The following PLXDC2 variants were observed in gnomAD, a reference collection of about 807,000 sequenced individuals.
PLXDC2 encodes the protein plexin domain containing 2.
PLXDC2 carries 40 observed loss-of-function variants against 68.9 expected under a neutral mutation model. The observed-to-expected ratio is 0.58, with a 90% CI of 0.45 to 0.76. The LOEUF (loss-of-function observed/expected upper bound fraction) is 0.76, where lower values mean the gene tolerates loss of function less well. PLXDC2 is among the 30% of genes least tolerant of loss of function. The probability of loss-of-function intolerance (pLI) is 0.00; values close to 1 mark genes in which losing one functional copy is unlikely to be tolerated. For missense variants in PLXDC2, 644 were observed against 661.9 expected (o/e 0.97, Z 0.30); for synonymous variants, 243 against 234.2 (o/e 1.04, Z -0.34).
intron 1 of PLXDC2, among the ~76,000 whole-genome samples, chr10:19,866,824 A>G (rs945598360): frequency 2.6e-5 from 4 of 152,210 alleles, no homozygotes; most frequent in Non-Finnish European, 5.9e-5. Flanking sequence ...CATGGAGGTT[A>G]TACATTGGTT....
At chr10:19,865,251 CA>C (rs772747994) in intron 1 of PLXDC2, among the ~76,000 whole-genome samples, 2 of 152,196 alleles carry the variant, frequency 1.3e-5, no homozygotes, top group African/African-American at 2.4e-5. Flanking sequence ...TAAACCTGCA[CA>C]AGTGGCTTCT....
intron 1 of PLXDC2, among the ~76,000 whole-genome samples, chr10:19,853,440 T>G (rs1266386768): frequency 2.6e-5 from 4 of 152,088 alleles, no homozygotes; most frequent in Non-Finnish European, 5.9e-5. Flanking sequence ...TATTTTTGTA[T>G]AGATGAGGTC....
intron 7 of PLXDC2, among the ~76,000 whole-genome samples, chr10:20,165,783 G>A (rs183926319): frequency 3.1e-4 from 47 of 152,238 alleles, no homozygotes; most frequent in African/African-American, 9.9e-4. Flanking sequence ...AAAAAGGGAC[G>A]TGTTGCTTTG....
chr10:20,067,295 C>T (rs897370494), intron 3 of PLXDC2, among the ~76,000 whole-genome samples: 2 of 152,082 alleles, frequency 1.3e-5, no homozygotes, highest in African/African-American at 4.8e-5. Flanking sequence ...AAGTAGGTCT[C>T]CAGTAACCAA....
intron 4 of PLXDC2, among the ~76,000 whole-genome samples, chr10:20,089,628 A>G (rs928342814): frequency 3.9e-5 from 6 of 152,184 alleles, no homozygotes; most frequent in Non-Finnish European, 8.8e-5. Context: ...TTTTGTCTGT[A>G]TCATGGAAGG....
intron 1 of PLXDC2, among the ~76,000 whole-genome samples, chr10:19,900,405 C>A (rs1470308965): frequency 6.6e-6 from 1 of 152,044 alleles, no homozygotes; most frequent in East Asian, 1.9e-4. Flanking sequence ...TTACAGGATT[C>A]TCAATGTCCA....
At chr10:20,065,068 A>G (rs2131703241) in intron 3 of PLXDC2, among the ~76,000 whole-genome samples, 1 of 152,268 alleles carries the variant, frequency 6.6e-6, no homozygotes, top group South Asian at 2.1e-4. Flanking sequence ...TCACCTTCCA[A>G]ATAAACTGTC....
At chr10:19,931,075 T>C (rs1833623058) in intron 1 of PLXDC2, among the ~76,000 whole-genome samples, 1 of 152,246 alleles carries the variant, frequency 6.6e-6, no homozygotes, top group South Asian at 2.1e-4. Flanking sequence ...GCAGCCAGTG[T>C]TGTCTTCTGC....
intron 3 of PLXDC2, among the ~76,000 whole-genome samples, chr10:20,048,489 A>T (rs1235366982): frequency 7.9e-5 from 12 of 152,094 alleles, no homozygotes; most frequent in Admixed American, 7.9e-4. Flanking sequence ...AATGATAAAG[A>T]TTAGATTTTA....
At chr10:20,209,086 C>T (rs894756598) in intron 9 of PLXDC2, among the ~76,000 whole-genome samples, 13 of 152,078 alleles carry the variant, frequency 8.5e-5, no homozygotes, top group South Asian at 6.2e-4. Context: ...AATGAAGTTT[C>T]GGGCACGCAT....
chr10:20,070,259 A>G (rs752486159), intron 4 of PLXDC2, among the ~76,000 whole-genome samples: 13 of 152,224 alleles, frequency 8.5e-5, no homozygotes, highest in Non-Finnish European at 1.3e-4. Flanking sequence ...ATAATACATT[A>G]AAGTGTAGAA....
intron 9 of PLXDC2, among the ~76,000 whole-genome samples, chr10:20,189,213 G>A (rs986237775): frequency 1.3e-5 from 2 of 150,606 alleles, no homozygotes. Flanking sequence ...GAGGTATGAT[G>A]TTATTTTATC....
chr10:20,209,486 T>C (rs937784617), intron 9 of PLXDC2, among the ~76,000 whole-genome samples: 4 of 151,718 alleles, frequency 2.6e-5, no homozygotes, highest in Non-Finnish European at 5.9e-5. Flanking sequence ...TGTAACAAAG[T>C]TGCACATTGT....
chr10:19,862,520 G>T (rs914808256), intron 1 of PLXDC2, among the ~76,000 whole-genome samples: 1 of 152,212 alleles, frequency 6.6e-6, no homozygotes, highest in Non-Finnish European at 1.5e-5. Flanking sequence ...TGGAAAGGAA[G>T]AACAAAGAGG....
chr10:20,167,809 A>G (rs909254319), intron 7 of PLXDC2, among the ~76,000 whole-genome samples: 1 of 152,182 alleles, frequency 6.6e-6, no homozygotes, highest in African/African-American at 2.4e-5. Context: ...CACCATTACT[A>G]TATCATTCTT....
intron 7 of PLXDC2, among the ~76,000 whole-genome samples, chr10:20,170,275 C>T (rs1261313578): frequency 6.6e-6 from 1 of 152,138 alleles, no homozygotes; most frequent in Non-Finnish European, 1.5e-5. Context: ...ACTGCAACCT[C>T]CCCCTCCGGG....
intron 10 of PLXDC2, among the ~76,000 whole-genome samples, chr10:20,216,353 C>T (rs1394418614): frequency 6.6e-6 from 1 of 152,084 alleles, no homozygotes; most frequent in African/African-American, 2.4e-5. Context: ...GGGATGACAA[C>T]TAAAGTGGTA....
chr10:19,845,298 T>C (rs1836987606), intron 1 of PLXDC2, among the ~76,000 whole-genome samples: 1 of 152,154 alleles, frequency 6.6e-6, no homozygotes, highest in Non-Finnish European at 1.5e-5. Flanking sequence ...GAGACAATTA[T>C]GGTGACTTCT....
intron 1 of PLXDC2, among the ~76,000 whole-genome samples, chr10:19,867,224 C>A (rs571518623): frequency 6.6e-6 from 1 of 152,134 alleles, no homozygotes; most frequent in South Asian, 2.1e-4. Flanking sequence ...CACCACCACG[C>A]CCAGCTAATT....
Sources: gnomAD v4.1 joint callset for allele counts (sites outside exome capture counted in the v4.1 genomes callset) on GRCh38, gnomAD v4.1.1 for gene constraint, MANE v1.5 for transcripts, NCBI Gene and HGNC (gene_info 2026-07-23, HGNC 2026-07-21) for gene names.